AAK1: variants seen among roughly 807,000 people sequenced by gnomAD.
AAK1 encodes the protein AP2 associated kinase 1.
In AAK1, 37 loss-of-function variants were observed where a neutral mutation model predicts 116.0. The ratio of observed to expected loss-of-function variants is 0.32; its 90% CI spans 0.25 to 0.42. The LOEUF is 0.42. Ranked by LOEUF, AAK1 falls within the 10% of genes least tolerant of loss-of-function variation. The pLI, the probability that AAK1 is intolerant of heterozygous loss-of-function variation, is 1.00. For missense variants in AAK1, 919 were observed against 1,170.6 expected (o/e 0.79, Z 3.14); for synonymous variants, 458 against 439.9 (o/e 1.04, Z -0.51).
intron 2 of AAK1, among the ~76,000 whole-genome samples, chr2:69,583,036 G>A (rs1330259391): frequency 6.6e-6 from 1 of 152,114 alleles, no homozygotes; most frequent in Admixed American, 6.5e-5. Flanking sequence ...ATACCAAAAG[G>A]CAACAGAAAG....
At chr2:69,488,771 G>T (rs1217523352) in intron 17 of AAK1, among the ~76,000 whole-genome samples, 2 of 152,090 alleles carry the variant, frequency 1.3e-5, no homozygotes, top group African/African-American at 4.8e-5. Flanking sequence ...TGGGGAAGAG[G>T]CAGGATGGTC....
At chr2:69,548,013 T>C (rs926444096) in intron 3 of AAK1, among the ~76,000 whole-genome samples, 5 of 152,048 alleles carry the variant, frequency 3.3e-5, no homozygotes, top group Non-Finnish European at 5.9e-5. Flanking sequence ...AGGTCAAATA[T>C]TGTATGAGTC....
At chr2:69,545,719 T>C (rs2105059517) in intron 3 of AAK1, among the ~76,000 whole-genome samples, 1 of 152,340 alleles carries the variant, frequency 6.6e-6, no homozygotes, top group African/African-American at 2.4e-5. Flanking sequence ...GCCTCAGAAA[T>C]GGCAGCTGCA....
Position 69,643,668 on chromosome 2 carries a change from G to C in AAK1, c.-328C>G, listed in dbSNP as rs1233932952. The C allele has an allele frequency of 8.2e-7, 1 of 1,225,184 alleles. No homozygotes were observed. Among genetic ancestry groups the C allele is most frequent in the African/African-American group, 1.6e-5 (1 of 64,048 alleles). The allele number at this position is 1,225,184 out of a possible 1,614,324, so 75.9% of individuals were successfully genotyped here. A position where few individuals can be genotyped will look rare whatever the true frequency, so the allele number is the denominator to read the frequency against. The stretch of plus-strand genomic sequence containing the variant: ...TGCGACGCAGAGAAGAGGCGGCGCT[G>C]CAGCGAGAGCCGGGGCCGCGCTCGG... On this transcript the variant is annotated 5_prime_UTR_variant, in exon 1 of 22. Coordinates refer to ENST00000409085, the MANE Select transcript of AAK1 (RefSeq NM_014911.5).
intron 2 of AAK1, among the ~76,000 whole-genome samples, chr2:69,565,999 T>C (rs868759690): frequency 1.4e-5 from 2 of 147,170 alleles, no homozygotes; most frequent in Non-Finnish European, 1.5e-5. Context: ...GTCCTCTCCA[T>C]GGTGAGAGCT....
chr2:69,633,117 C>T (rs1367209963), intron 2 of AAK1, among the ~76,000 whole-genome samples: 1 of 148,442 alleles, frequency 6.7e-6, no homozygotes, highest in African/African-American at 2.5e-5. Flanking sequence ...GCTACTCAGC[C>T]GACAGGCAGG....
At chr2:69,492,784 A>G (rs1369374923) in intron 17 of AAK1, among the ~76,000 whole-genome samples, 3 of 151,938 alleles carry the variant, frequency 2.0e-5, no homozygotes, top group Admixed American at 6.6e-5. Flanking sequence ...TCGACCTCCC[A>G]AAGTGCTGGT....
At chr2:69,621,922 C>G (rs1674649783) in intron 2 of AAK1, among the ~76,000 whole-genome samples, 1 of 152,244 alleles carries the variant, frequency 6.6e-6, no homozygotes, top group African/African-American at 2.4e-5. Flanking sequence ...AGCGTGCTGG[C>G]AGCCCTCCTA....
At chr2:69,540,412 C>T (rs960183731) in intron 5 of AAK1, among the ~76,000 whole-genome samples, 16 of 152,278 alleles carry the variant, frequency 1.1e-4, no homozygotes, top group Admixed American at 6.5e-4. Context: ...TGAGCCACCA[C>T]GCCCGGCCAC....
intron 16 of AAK1, among the ~76,000 whole-genome samples, chr2:69,499,413 T>C (rs1376913284): frequency 6.6e-6 from 1 of 152,170 alleles, no homozygotes; most frequent in Non-Finnish European, 1.5e-5. Context: ...CCTAGTTCCC[T>C]CTGGGACTTT....
intron 2 of AAK1, among the ~76,000 whole-genome samples, chr2:69,602,225 T>C (rs546711091): frequency 9.8e-5 from 15 of 152,346 alleles, no homozygotes; most frequent in African/African-American, 2.4e-4. Flanking sequence ...TGATCCCAGA[T>C]TAAATCCTGA....
intron 5 of AAK1, among the ~76,000 whole-genome samples, chr2:69,532,446 T>G (rs1222232673): frequency 6.6e-6 from 1 of 152,168 alleles, no homozygotes; most frequent in Non-Finnish European, 1.5e-5. Flanking sequence ...TTCTCACCTC[T>G]GCAGAAACCA....
At chr2:69,578,254 A>G (rs1212932120) in intron 2 of AAK1, among the ~76,000 whole-genome samples, 1 of 152,226 alleles carries the variant, frequency 6.6e-6, no homozygotes, top group Non-Finnish European at 1.5e-5. Flanking sequence ...ATAGAATAGA[A>G]AGATGCCTTT....
chr2:69,579,815 C>T (rs1012162678), intron 2 of AAK1, among the ~76,000 whole-genome samples: 1 of 152,130 alleles, frequency 6.6e-6, no homozygotes. Flanking sequence ...ATTTAAACAT[C>T]CTTTAATTAC....
Position 69,465,626 on chromosome 2 carries a change from A to G in AAK1, c.*10243T>C. On this transcript the variant is annotated 3_prime_UTR_variant, in exon 22 of 22. Coordinates refer to ENST00000409085, the MANE Select transcript of AAK1 (RefSeq NM_014911.5). ...CGTCTTCTGGGCTATAGTGACGGGA[A>G]TACTTGGATAAGGACTGGGGGCGGA... 3 of 1,290,920 alleles carry G rather than the reference A, an allele frequency of 2.3e-6. No individual in the cohort carries two copies. The highest frequency in any genetic ancestry group is 3.0e-6 in the Non-Finnish European group (3 of 988,874). 80.0% of individuals were successfully genotyped at this position (1,290,920 alleles called of 1,614,324 possible).
chr2:69,479,494 T>C (rs1448290357), intron 19 of AAK1, among the ~76,000 whole-genome samples: 1 of 152,140 alleles, frequency 6.6e-6, no homozygotes, highest in African/African-American at 2.4e-5. Flanking sequence ...GAATGCCATT[T>C]GGGAGAAAAA....
At chr2:69,522,453 C>G (rs1438708786) in intron 10 of AAK1, among the ~76,000 whole-genome samples, 1 of 151,892 alleles carries the variant, frequency 6.6e-6, no homozygotes, top group Admixed American at 6.6e-5. Context: ...AGAACCTGGG[C>G]AAGGGATGTG....
intron 2 of AAK1, among the ~76,000 whole-genome samples, chr2:69,572,429 C>T (rs557632470): frequency 1.3e-5 from 2 of 152,010 alleles, no homozygotes; most frequent in South Asian, 4.2e-4. Flanking sequence ...ACCAGCCTGG[C>T]CAACATGGAG....
At position 69,468,287 on chromosome 2, in the gene AAK1, T is replaced by C. The variant is rs1674554282; in HGVS notation, c.*7582A>G. 1.0e-6 allele frequency: 1 copy of C among 985,214 alleles called. No homozygotes were observed. The highest frequency in any genetic ancestry group is 1.7e-5 in the African/African-American group (1 of 57,220). 61.0% of individuals were successfully genotyped at this position (985,214 alleles called of 1,614,324 possible). ...CAAGTAAATTGATATTAGATTTGTC[T>C]CAGTGATACCAAGATGATAATTTCT... On this transcript the variant is annotated 3_prime_UTR_variant, in exon 22 of 22. Coordinates refer to ENST00000409085, the MANE Select transcript of AAK1 (RefSeq NM_014911.5).
Sources: gnomAD v4.1 joint callset for allele counts (sites outside exome capture counted in the v4.1 genomes callset) on GRCh38, gnomAD v4.1.1 for gene constraint, MANE v1.5 for transcripts, NCBI Gene and HGNC (gene_info 2026-07-23, HGNC 2026-07-21) for gene names.